FRMD4B: variants seen among roughly 807,000 people sequenced by gnomAD.
FRMD4B encodes FERM domain containing 4B, also known as FERM domain-containing protein 4B.
FRMD4B carries 74 observed loss-of-function variants against 141.5 expected under a neutral mutation model. That is an observed-to-expected ratio of 0.52 (90% CI 0.43 to 0.63). FRMD4B has a LOEUF of 0.63. FRMD4B is among the 30% of genes least tolerant of loss of function. The pLI is 0.00. For missense variants in FRMD4B, 1,366 were observed against 1,253.4 expected (o/e 1.09, Z -1.36); for synonymous variants, 506 against 467.9 (o/e 1.08, Z -1.05).
At chr3:69,347,629 G>C (rs1261083980) in intron 1 of FRMD4B, among the ~76,000 whole-genome samples, 1 of 151,930 alleles carries the variant, frequency 6.6e-6, no homozygotes, top group East Asian at 1.9e-4. Context: ...TATAACAAAC[G>C]GTCTCTCAGA....
intron 1 of FRMD4B, among the ~76,000 whole-genome samples, chr3:69,441,386 G>T (rs1705339163): frequency 1.3e-5 from 2 of 151,992 alleles, no homozygotes; most frequent in African/African-American, 4.8e-5. Context: ...CTGGAATCTT[G>T]TTCCCCAGAT....
intron 1 of FRMD4B, among the ~76,000 whole-genome samples, chr3:69,534,535 C>G (rs919486366): frequency 6.6e-6 from 1 of 152,166 alleles, no homozygotes. Context: ...GCCTACTCAG[C>G]ATGGTTACCC....
chr3:69,508,152 T>C (rs1706629548), intron 1 of FRMD4B, among the ~76,000 whole-genome samples: 1 of 152,210 alleles, frequency 6.6e-6, no homozygotes, highest in East Asian at 1.9e-4. Flanking sequence ...TTCTTTCTCC[T>C]GAACATATTT....
intron 2 of FRMD4B, among the ~76,000 whole-genome samples, chr3:69,394,639 C>T (rs1322353852): frequency 6.6e-6 from 1 of 152,128 alleles, no homozygotes; most frequent in African/African-American, 2.4e-5. Flanking sequence ...ACCAGAAATA[C>T]CATTTGACCC....
chr3:69,538,081 C>A (rs1701112631), intron 1 of FRMD4B, among the ~76,000 whole-genome samples: 1 of 152,168 alleles, frequency 6.6e-6, no homozygotes, highest in Admixed American at 6.5e-5. Context: ...AAGGGGAGTT[C>A]TTTGGTTGCT....
intron 2 of FRMD4B, among the ~76,000 whole-genome samples, chr3:69,405,499 C>T (rs1165539038): frequency 6.6e-6 from 1 of 152,204 alleles, no homozygotes; most frequent in African/African-American, 2.4e-5. Context: ...ACTGGCAGCC[C>T]TGTGCAGGGC....
chr3:69,223,067 C>A (rs915537523), intron 8 of FRMD4B, among the ~76,000 whole-genome samples: 1 of 152,170 alleles, frequency 6.6e-6, no homozygotes, highest in East Asian at 1.9e-4. Flanking sequence ...TCTACTATCA[C>A]CATTTACAGA....
chr3:69,373,287 A>G (rs1260605507), intron 1 of FRMD4B, among the ~76,000 whole-genome samples: 1 of 152,228 alleles, frequency 6.6e-6, no homozygotes, highest in Non-Finnish European at 1.5e-5. Context: ...ATTAGAGACT[A>G]GGAGAGTGCT....
chr3:69,502,167 A>G (rs1311665492), intron 1 of FRMD4B, among the ~76,000 whole-genome samples: 1 of 152,200 alleles, frequency 6.6e-6, no homozygotes, highest in African/African-American at 2.4e-5. Flanking sequence ...TCTTCACAGA[A>G]TTGGAAAAAG....
intron 1 of FRMD4B, among the ~76,000 whole-genome samples, chr3:69,446,217 G>A (rs1161436412): frequency 6.6e-6 from 1 of 151,914 alleles, no homozygotes; most frequent in Non-Finnish European, 1.5e-5. Flanking sequence ...TCGTAGAGAC[G>A]AGGTTTCCTC....
intron 2 of FRMD4B, among the ~76,000 whole-genome samples, chr3:69,395,538 A>G (rs1482280986): frequency 6.6e-6 from 1 of 152,236 alleles, no homozygotes; most frequent in Non-Finnish European, 1.5e-5. Context: ...CTAAAAATAC[A>G]GAATAATTTG....
chr3:69,331,671 C>T (rs756973672), intron 1 of FRMD4B, among the ~76,000 whole-genome samples: 1 of 152,118 alleles, frequency 6.6e-6, no homozygotes, highest in Non-Finnish European at 1.5e-5. Flanking sequence ...ATACTAAAAG[C>T]ACACTCACTT....
At chr3:69,525,114 A>AAAAGTGAC (rs1700913148) in intron 1 of FRMD4B, among the ~76,000 whole-genome samples, 2 of 152,368 alleles carry the variant, frequency 1.3e-5, no homozygotes, top group South Asian at 4.1e-4. Flanking sequence ...TACTAGAAGA[A>AAAAGTGAC]AAAGTGACCA....
intron 1 of FRMD4B, among the ~76,000 whole-genome samples, chr3:69,351,022 C>T (rs1358963056): frequency 2.6e-5 from 4 of 151,748 alleles, no homozygotes; most frequent in Admixed American, 2.0e-4. Flanking sequence ...TAAACCAATA[C>T]AAGACAACAG....
At chr3:69,191,347 G>C (rs2092834547) in intron 17 of FRMD4B, among the ~76,000 whole-genome samples, 1 of 152,158 alleles carries the variant, frequency 6.6e-6, no homozygotes, top group South Asian at 2.1e-4. Context: ...TTGAACCTGG[G>C]AGGCGGAGGT....
At chr3:69,422,611 T>C (rs1345487377) in intron 2 of FRMD4B, among the ~76,000 whole-genome samples, 1 of 152,196 alleles carries the variant, frequency 6.6e-6, no homozygotes, top group Non-Finnish European at 1.5e-5. Flanking sequence ...CTGTGGGCTA[T>C]ATGATCACTA....
intron 2 of FRMD4B, among the ~76,000 whole-genome samples, chr3:69,430,312 A>T (rs1391355582): frequency 3.3e-5 from 5 of 152,066 alleles, no homozygotes; most frequent in African/African-American, 1.2e-4. Context: ...CTGCCACAAG[A>T]GGCCCTTTCA....
At chr3:69,536,011 C>T (rs1701079103) in intron 1 of FRMD4B, 1 of 393,010 alleles carries the variant, frequency 2.5e-6, no homozygotes, top group South Asian at 2.1e-5. Context: ...AGCCCGCTGG[C>T]ACTGGAAGGG....
intron 7 of FRMD4B, among the ~76,000 whole-genome samples, chr3:69,243,888 A>G (rs530258639): frequency 6.6e-6 from 1 of 152,190 alleles, no homozygotes; most frequent in East Asian, 1.9e-4. Flanking sequence ...TCTACTAAAA[A>G]CACAAACAAT....
Sources: allele counts gnomAD v4.1 joint callset (sites outside exome capture counted in the v4.1 genomes callset), GRCh38; gene constraint gnomAD v4.1.1; transcripts MANE v1.5; gene names NCBI Gene and HGNC (gene_info 2026-07-23, HGNC 2026-07-21).